The following FREM3 variants were observed in gnomAD, a reference collection of about 807,000 sequenced individuals.
The protein encoded by FREM3 is FRAS1-related extracellular matrix protein 3.
FREM3 carries 105 observed loss-of-function variants against 129.1 expected under a neutral mutation model. The ratio of observed to expected loss-of-function variants is 0.81; its 90% CI spans 0.69 to 0.96. The LOEUF (loss-of-function observed/expected upper bound fraction) is 0.96. Among genes scored for constraint, FREM3 ranks in the 40% least tolerant of loss-of-function variants. The probability of loss-of-function intolerance (pLI) is 0.00; values close to 1 mark genes in which losing one functional copy is unlikely to be tolerated. For synonymous variants in FREM3, 1,014 were observed against 1,044.9 expected (o/e 0.97, Z 0.57); for missense variants, 2,593 against 2,666.3 (o/e 0.97, Z 0.61).
At chr4:143,642,168 A>C (rs748641790) in intron 2 of FREM3, among the ~76,000 whole-genome samples, 7 of 152,238 alleles carry the variant, frequency 4.6e-5, no homozygotes, top group Non-Finnish European at 1.0e-4. Flanking sequence ...AAATAAATGG[A>C]AAGATATCCT....
chr4:143,700,111 C>G lies in FREM3; in HGVS notation c.565G>C (p.Asp189His), dbSNP rs895042186. The G allele has an allele frequency of 7.2e-6, 11 of 1,537,024 alleles. No individual in the cohort carries two copies. Among genetic ancestry groups the G allele is most frequent in the Non-Finnish European group, 9.6e-6 (11 of 1,146,852 alleles). The change falls in exon 1 of 8, where the codon GAC becomes CAC. Residue 189 changes from aspartate to histidine, a missense_variant. By Grantham distance (81) the Asp-to-His change is moderately conservative (BLOSUM62 -1). Coordinates refer to ENST00000329798, the MANE Select transcript of FREM3 (RefSeq NM_001168235.2). Reference protein sequence around the residue: ...EKLRSWSRAIDRRVLDFASLK... With the variant: ...EKLRSWSRAIHRRVLDFASLK... ...GAGGCGAAGTCCAGCACTCTCCTGT[C>G]TATGGCGCGGCTCCAGCTTCGCAGC... is the stretch of plus-strand genomic sequence containing the variant.
At position 143,621,069 on chromosome 4, in the gene FREM3, T is replaced by G; in HGVS notation, c.5747A>C (p.Gln1916Pro). ...TGTGGAGCAAATGACGATTAGTTCC[T>G]GGCTTGCATCTCCAGATCGTCTTAC... ...IPVRRSGDAS[Q>P]ELIVICSTRQ... is the part of the protein sequence containing the mutation. The change falls in exon 5 of 8, where the codon CAG becomes CCG. Residue 1916 changes from glutamine (Q) to proline (P), a missense_variant. Around this residue, in one of 2 missense-constraint regions of FREM3, gnomAD observed 317 missense variants for 399.0 expected, o/e 0.79. Coordinates refer to ENST00000329798, the MANE Select transcript of FREM3 (RefSeq NM_001168235.2). The G allele has an allele frequency of 6.5e-7, 1 of 1,537,364 alleles. No homozygotes were observed. Among genetic ancestry groups the G allele is most frequent in the Non-Finnish European group, 8.7e-7 (1 of 1,146,920 alleles).
At chr4:143,597,903 T>C (rs146169366) in intron 6 of FREM3, among the ~76,000 whole-genome samples, 173 of 152,350 alleles carry the variant, frequency 1.1e-3, no homozygotes, top group African/African-American at 3.8e-3. Context: ...TTCTGGAGAC[T>C]TGGAAGTCTA....
intron 2 of FREM3, among the ~76,000 whole-genome samples, chr4:143,637,294 A>C (rs1393849997): frequency 6.6e-6 from 1 of 152,184 alleles, no homozygotes; most frequent in African/African-American, 2.4e-5. Context: ...TAAGGAAAAG[A>C]AAGTAACTTG....
intron 7 of FREM3, among the ~76,000 whole-genome samples, chr4:143,579,490 C>T (rs778391248): frequency 2.8e-4 from 42 of 152,128 alleles, no homozygotes; most frequent in Non-Finnish European, 3.1e-4. Context: ...GTGAAAATTA[C>T]TAAGGCAGGA....
At chr4:143,589,438 C>T (rs530845635) in intron 6 of FREM3, among the ~76,000 whole-genome samples, 207 of 152,208 alleles carry the variant, frequency 1.4e-3, no homozygotes, top group African/African-American at 4.3e-3. Flanking sequence ...GGAAGGGATC[C>T]AGTTTCAGCT....
intron 7 of FREM3, among the ~76,000 whole-genome samples, chr4:143,580,607 A>G (rs1276529852): frequency 6.6e-6 from 1 of 152,132 alleles, no homozygotes; most frequent in Admixed American, 6.5e-5. Context: ...CACAGAGCTG[A>G]AGAGCAGATG....
At position 143,697,494 on chromosome 4, in the gene FREM3, G is replaced by A. The variant is rs1258801450; in HGVS notation, c.3182C>T (p.Thr1061Ile). 1 of 1,537,284 alleles carries A rather than the reference G, an allele frequency of 6.5e-7. No homozygotes were observed. Among genetic ancestry groups the A allele is most frequent in the African/African-American group, 1.4e-5 (1 of 73,170 alleles). The change falls in exon 1 of 8, where the codon ACT becomes ATT. Residue 1061 changes from threonine (T) to isoleucine (I), a missense_variant. This residue lies in a region of FREM3 where 2,276 missense variants were observed against 2,267.2 expected (regional missense o/e 1.00). Coordinates refer to ENST00000329798, the MANE Select transcript of FREM3 (RefSeq NM_001168235.2). ...SIIEKVQVQVTVLPVDNVGPK... is the reference protein window; with the variant it reads ...SIIEKVQVQVIVLPVDNVGPK... Reference sequence around the variant, plus strand: ...TCCCACATTGTCCACAGGCAGCACAGTTACTTGTACCTGTACTTTCTCTAT... The same window carrying A: ...TCCCACATTGTCCACAGGCAGCACAATTACTTGTACCTGTACTTTCTCTAT...
At chr4:143,653,921 T>C (rs1477031265) in intron 2 of FREM3, among the ~76,000 whole-genome samples, 2 of 152,198 alleles carry the variant, frequency 1.3e-5, no homozygotes, top group Non-Finnish European at 2.9e-5. Flanking sequence ...CTTCTTTTGA[T>C]TACCAGAATG....
chr4:143,594,674 G>C (rs1738435662), intron 6 of FREM3, among the ~76,000 whole-genome samples: 2 of 152,144 alleles, frequency 1.3e-5, no homozygotes, highest in South Asian at 4.1e-4. Context: ...CTGTTGTTTA[G>C]AGAAAAAAAT....
Position 143,700,436 on chromosome 4 carries a change from G to A in FREM3, c.240C>T (p.Asp80=), listed in dbSNP as rs1740676305. Residue 80 remains aspartate, a synonymous_variant, in exon 1 of 8, where the codon GAC becomes GAT. Transcript: ENST00000329798. ...RVPLGRSLWL[D]PLRDLVIGVQ... ...CTCCAATCACCAGATCCCGGAGCGG[G>A]TCGAGCCAAAGGGAACGACCCAGGG... The A allele has an allele frequency of 3.3e-6, 5 of 1,529,024 alleles. No homozygotes were observed. Among genetic ancestry groups the A allele is most frequent in the Non-Finnish European group, 4.4e-6 (5 of 1,142,558 alleles). The allele number at this position is 1,529,024 out of a possible 1,614,324, so 94.7% of individuals were successfully genotyped here.
intron 2 of FREM3, among the ~76,000 whole-genome samples, chr4:143,647,654 G>A (rs912212746): frequency 2.0e-5 from 3 of 151,942 alleles, no homozygotes; most frequent in African/African-American, 7.2e-5. Flanking sequence ...AGCCTTGGTG[G>A]CTTACATATA....
intron 2 of FREM3, among the ~76,000 whole-genome samples, chr4:143,647,011 A>C (rs1739430244): frequency 6.6e-6 from 1 of 152,184 alleles, no homozygotes; most frequent in African/African-American, 2.4e-5. Context: ...AGGTGTGGGA[A>C]AGTTTGGAAC....
At chr4:143,662,912 C>CT (rs1485344740) in intron 2 of FREM3, among the ~76,000 whole-genome samples, 1 of 151,990 alleles carries the variant, frequency 6.6e-6, no homozygotes, top group South Asian at 2.1e-4. Context: ...CAACCCCTGC[C>CT]TTTTTTTGTT....
intron 6 of FREM3, among the ~76,000 whole-genome samples, chr4:143,587,076 C>T (rs1738255190): frequency 6.6e-6 from 1 of 152,140 alleles, no homozygotes; most frequent in South Asian, 2.1e-4. Context: ...GATCTTTTAA[C>T]TGCTGAGGGA....
chr4:143,659,904 C>A (rs568991304), intron 2 of FREM3, among the ~76,000 whole-genome samples: 1 of 151,938 alleles, frequency 6.6e-6, no homozygotes, highest in South Asian at 2.1e-4. Flanking sequence ...CTGTACATGT[C>A]CTTGGCCCAC....
At chr4:143,686,835 G>C (rs1444029615) in intron 2 of FREM3, among the ~76,000 whole-genome samples, 1 of 152,024 alleles carries the variant, frequency 6.6e-6, no homozygotes, top group Non-Finnish European at 1.5e-5. Flanking sequence ...GTGGTGCTAA[G>C]AGAAAAGTTC....
intron 2 of FREM3, among the ~76,000 whole-genome samples, chr4:143,684,516 C>T (rs978901472): frequency 4.0e-4 from 61 of 152,318 alleles, no homozygotes; most frequent in Non-Finnish European, 7.3e-5. Context: ...CAGCCTTCAG[C>T]CCTAGACCTT....
chr4:143,593,178 G>A (rs1182715370), intron 6 of FREM3, among the ~76,000 whole-genome samples: 9 of 152,068 alleles, frequency 5.9e-5, no homozygotes, highest in Admixed American at 4.6e-4. Flanking sequence ...CCATTGGTTC[G>A]AACTTCCTCC....
Sources: allele counts gnomAD v4.1 joint callset (sites outside exome capture counted in the v4.1 genomes callset), GRCh38; gene constraint gnomAD v4.1.1; regional missense constraint gnomAD v4.1.1; transcripts MANE v1.5; gene names NCBI Gene and HGNC (gene_info 2026-07-23, HGNC 2026-07-21).